AGPAT4: variants seen among roughly 807,000 people sequenced by gnomAD.
The protein encoded by AGPAT4 is 1-acylglycerol-3-phosphate O-acyltransferase 4.
AGPAT4 carries 15 observed loss-of-function variants against 48.0 expected under a neutral mutation model. The observed-to-expected ratio is 0.31, with a 90% CI of 0.21 to 0.48. The LOEUF (loss-of-function observed/expected upper bound fraction) is 0.48. AGPAT4 is among the 20% of genes least tolerant of loss of function. The pLI is 0.99. For synonymous variants in AGPAT4, 178 were observed against 198.7 expected (o/e 0.90, Z 0.88); for missense variants, 314 against 482.5 (o/e 0.65, Z 3.27).
rs1433961620 is a variant in AGPAT4, at chr6:161,144,916, G to A, written c.843+1608C>T. Among the ~76,000 whole-genome samples, 7 of 152,042 alleles carry A rather than the reference G, an allele frequency of 4.6e-5. No homozygotes were observed. The highest frequency in any genetic ancestry group is 1.3e-4 in the Admixed American group (2 of 15,272). ...GAATGGCGTGAACCCAGGAGGCAGA[G>A]CTTGCAGTGAGCCGAGATCGCGCCA... On this transcript the variant is annotated intron_variant, in intron 7 of 8. Coordinates refer to ENST00000320285, the MANE Select transcript of AGPAT4 (RefSeq NM_020133.3). The surrounding 1 kb of genome is among the most constrained non-coding windows in gnomAD (Gnocchi z 6.6).
chr6:161,153,997 A>T, intron 4 of AGPAT4, 152 bp downstream of exon 4: 1 of 1,011,230 alleles, frequency 9.9e-7, no homozygotes, highest in South Asian at 1.4e-5. Context: ...GGTCACATAC[A>T]TCCCTGAGGT....
intron 2 of AGPAT4, among the ~76,000 whole-genome samples, chr6:161,227,169 T>G (rs531440994): frequency 1.3e-5 from 2 of 152,222 alleles, no homozygotes; most frequent in South Asian, 4.1e-4. Flanking sequence ...GCCCACAAAA[T>G]CAGCAGGTCG....
At chr6:161,182,116 A>G (rs1583308666) in intron 2 of AGPAT4, among the ~76,000 whole-genome samples, 2 of 152,000 alleles carry the variant, frequency 1.3e-5, no homozygotes, top group African/African-American at 4.8e-5. Context: ...GGCAAAGCAG[A>G]TTCTTGATGA....
chr6:161,166,466 T>C lies in AGPAT4; in HGVS notation c.179-49A>G. On this transcript the variant is annotated intron_variant, in intron 2 of 8. Coordinates refer to ENST00000320285, the MANE Select transcript of AGPAT4 (RefSeq NM_020133.3). This position sits in a 1 kb window ranked among gnomAD's most constrained non-coding sequence, Gnocchi z 6.7. ...ATGTTTACTACATGCAGCCTTGTCC[T>C]GGGAGCCCTGCTGAGAGCAGGGCTC... 2 of 1,541,414 alleles carry C rather than the reference T, an allele frequency of 1.3e-6. No homozygotes were observed. The highest frequency in any genetic ancestry group is 2.7e-5 in the African/African-American group (2 of 72,842).
At position 161,140,114 on chromosome 6, in the gene AGPAT4, C is replaced by T. The variant is rs916237394; in HGVS notation, c.844-494G>A. 1.4e-4 allele frequency among the ~76,000 whole-genome samples: 21 copies of T among 152,208 alleles called. No homozygotes were observed. The highest frequency in any genetic ancestry group is 4.8e-4 in the African/African-American group (20 of 41,460). ...CGGCCCGGCACATGCCCCGCCTTCC[C>T]GGCCTCCACAGCCAGTTCACCTCGG... On this transcript the variant is annotated intron_variant, in intron 7 of 8. Transcript: ENST00000320285. This position sits in a 1 kb window ranked among gnomAD's most constrained non-coding sequence, Gnocchi z 6.5.
intron 5 of AGPAT4, among the ~76,000 whole-genome samples, chr6:161,152,501 T>C (rs902161672): frequency 6.6e-6 from 1 of 152,136 alleles, no homozygotes; most frequent in African/African-American, 2.4e-5. Context: ...ACTCTGTTGC[T>C]CCAGAGGTCC....
chr6:161,272,655 G>A lies in AGPAT4; in HGVS notation c.-90+1283C>T, dbSNP rs1004841055. Among the ~76,000 whole-genome samples the A allele has an allele frequency of 6.6e-6, 1 of 151,246 alleles. No individual in the cohort carries two copies. The highest frequency in any genetic ancestry group is 1.5e-5 in the Non-Finnish European group (1 of 67,936). The stretch of plus-strand genomic sequence containing the variant: ...ATTCAGAAGATGGAATCCTTTTAAC[G>A]TAGAACTCAAGATGTGCCCTGTTCT... On this transcript the variant is annotated intron_variant, in intron 1 of 8. Transcript: ENST00000320285. The surrounding 1 kb of genome is among the most constrained non-coding windows in gnomAD (Gnocchi z 4.2).
In AGPAT4 at chr6:161,236,667, G is replaced by A. The variant is rs1293532801; in HGVS notation, c.-89-4365C>T. 6.6e-6 allele frequency among the ~76,000 whole-genome samples: 1 copy of A among 151,988 alleles called. No homozygotes were observed. Among genetic ancestry groups the A allele is most frequent in the African/African-American group, 2.4e-5 (1 of 41,370 alleles). Reference sequence around the variant, plus strand: ...ACCTGTAATCCTAGCACTTTGGGAGGCCCAGGTAGGTGGATCACTTGAGGT... The same window carrying A: ...ACCTGTAATCCTAGCACTTTGGGAGACCCAGGTAGGTGGATCACTTGAGGT... On this transcript the variant is annotated intron_variant, in intron 1 of 8. Coordinates refer to ENST00000320285, the MANE Select transcript of AGPAT4 (RefSeq NM_020133.3). This position sits in a 1 kb window ranked among gnomAD's most constrained non-coding sequence, Gnocchi z 5.0.
rs1432968522 is a variant in AGPAT4 at position 161,189,763 on chromosome 6, A to G, written c.179-23346T>C. Among the ~76,000 whole-genome samples the G allele has an allele frequency of 6.6e-6, 1 of 152,030 alleles. No individual in the cohort carries two copies. The highest frequency in any genetic ancestry group is 1.5e-5 in the Non-Finnish European group (1 of 68,016). On this transcript the variant is annotated intron_variant, in intron 2 of 8. Transcript: ENST00000320285. The surrounding 1 kb of genome is among the most constrained non-coding windows in gnomAD (Gnocchi z 5.3). ...CCTAACCCCTCTCTCCTCCACCCAA[A>G]AAAGGGCTGAATGCCAACCTGAAAT...
At position 161,212,821 on chromosome 6, in the gene AGPAT4, T is replaced by A. The variant is rs1781553690; in HGVS notation, c.178+19215A>T. 6.6e-6 allele frequency among the ~76,000 whole-genome samples: 1 copy of A among 152,226 alleles called. No homozygotes were observed. Among genetic ancestry groups the A allele is most frequent in the Non-Finnish European group, 1.5e-5 (1 of 68,046 alleles). ...GCTATAGAACTCTAACAGGTGTTCT[T>A]AAATGCAGGTTTCTGATAACTAACT... is the stretch of plus-strand genomic sequence containing the variant. On this transcript the variant is annotated intron_variant, in intron 2 of 8. Coordinates refer to ENST00000320285, the MANE Select transcript of AGPAT4 (RefSeq NM_020133.3). This position sits in a 1 kb window ranked among gnomAD's most constrained non-coding sequence, Gnocchi z 6.1.
intron 2 of AGPAT4, among the ~76,000 whole-genome samples, chr6:161,199,367 G>A (rs939665628): frequency 6.6e-6 from 1 of 152,144 alleles, no homozygotes; most frequent in African/African-American, 2.4e-5. Context: ...AGTTTTATAA[G>A]TCTACTGACT....
Position 161,131,450 on chromosome 6 carries a change from A to C in AGPAT4, c.*5090T>G, listed in dbSNP as rs1255450398. 6.6e-6 allele frequency: 1 copy of C among 152,498 alleles called. No homozygotes were observed. The highest frequency in any genetic ancestry group is 1.5e-5 in the Non-Finnish European group (1 of 68,256). 9.4% of individuals were successfully genotyped at this position (152,498 alleles called of 1,614,324 possible). On this transcript the variant is annotated 3_prime_UTR_variant, in exon 9 of 9. Coordinates refer to ENST00000320285, the MANE Select transcript of AGPAT4 (RefSeq NM_020133.3). ...AATTACTCAAGTTTATTTTGGCCTAATTATTCTTAAGAAAGGTGGTTCTTT... is the reference window on the plus strand; with the variant it reads ...AATTACTCAAGTTTATTTTGGCCTACTTATTCTTAAGAAAGGTGGTTCTTT...
rs1779095953 is a variant in AGPAT4, at chr6:161,137,232, T to C, written c.1043-598A>G. On this transcript the variant is annotated intron_variant, in intron 8 of 8. Transcript: ENST00000320285. This position sits in a 1 kb window ranked among gnomAD's most constrained non-coding sequence, Gnocchi z 6.1. ...AAAGCAGGGCCTAATGCTCAGAAGT[T>C]GCAATTTCAACTACACCCTCTGGAG... 1.3e-5 allele frequency among the ~76,000 whole-genome samples: 2 copies of C among 152,178 alleles called. No homozygotes were observed. Among genetic ancestry groups the C allele is most frequent in the Non-Finnish European group, 2.9e-5 (2 of 68,032 alleles).
At chr6:161,179,196 GTTT>G (rs1780513593) in intron 2 of AGPAT4, among the ~76,000 whole-genome samples, 1 of 152,186 alleles carries the variant, frequency 6.6e-6, no homozygotes, top group Admixed American at 6.5e-5. Flanking sequence ...GGCAACTAAA[GTTT>G]ACTGAGTTCG....
rs532634764 is a variant in AGPAT4 at position 161,172,993 on chromosome 6, A to T, written c.179-6576T>A. 2.6e-5 allele frequency among the ~76,000 whole-genome samples: 4 copies of T among 152,332 alleles called. No homozygotes were observed. The South Asian group carries it at 8.3e-4, about 32-fold the overall frequency. On this transcript the variant is annotated intron_variant, in intron 2 of 8. Transcript: ENST00000320285. ...TGAACTCATCCTTTTTTATGGCTGC[A>T]TACTATTCCATGGTGTATATGTGCC...
chr6:161,205,576 C>T (rs1020746026), intron 2 of AGPAT4, among the ~76,000 whole-genome samples: 4 of 152,066 alleles, frequency 2.6e-5, no homozygotes, highest in African/African-American at 9.7e-5. Flanking sequence ...TCACCAATTA[C>T]CATGGAACAT....
intron 1 of AGPAT4, among the ~76,000 whole-genome samples, chr6:161,269,027 A>G (rs2114763809): frequency 6.6e-6 from 1 of 152,324 alleles, no homozygotes; most frequent in East Asian, 1.9e-4. Flanking sequence ...ATTATGGGAA[A>G]TCAGCTCCAA....
At position 161,146,863 on chromosome 6, in the gene AGPAT4, T is replaced by C. The variant is rs769708215; in HGVS notation, c.768-264A>G. Among the ~76,000 whole-genome samples the C allele has an allele frequency of 2.0e-5, 3 of 152,158 alleles. No homozygotes were observed. Among genetic ancestry groups the C allele is most frequent in the Non-Finnish European group, 2.9e-5 (2 of 68,034 alleles). ...AGATGCTGTGAGAACAGGGGACACC[T>C]GCCTCATTCCGTCTTCCCTCCCACC... is the stretch of plus-strand genomic sequence containing the variant. On this transcript the variant is annotated intron_variant, in intron 6 of 8. Transcript: ENST00000320285. The surrounding 1 kb of genome is among the most constrained non-coding windows in gnomAD (Gnocchi z 7.1).
intron 1 of AGPAT4, among the ~76,000 whole-genome samples, chr6:161,252,805 G>GTC (rs1782840265): frequency 6.6e-6 from 1 of 150,398 alleles, no homozygotes; most frequent in South Asian, 2.1e-4. Context: ...GTGAGACTCT[G>GTC]TCTCAAAAAT....
Sources: allele counts gnomAD v4.1 joint callset (sites outside exome capture counted in the v4.1 genomes callset), GRCh38; gene constraint gnomAD v4.1.1; non-coding constraint Gnocchi (gnomAD v3.1); transcripts MANE v1.5; gene names NCBI Gene and HGNC (gene_info 2026-07-23, HGNC 2026-07-21).